IFT80: variants seen among roughly 807,000 people sequenced by gnomAD.
IFT80 encodes intraflagellar transport protein 80 homolog.
In IFT80, 79 loss-of-function variants were observed where a neutral mutation model predicts 107.9. That is an observed-to-expected ratio of 0.73 (90% confidence interval 0.61 to 0.88). The LOEUF is 0.88. IFT80 is among the 40% of genes least tolerant of loss of function. IFT80 has a pLI of 0.00. For missense variants in IFT80, 797 were observed against 914.2 expected (o/e 0.87, Z 1.65); for synonymous variants, 299 against 300.9 (o/e 0.99, Z 0.07).
At chr3:160,280,206 A>T (rs1714578902) in intron 15 of IFT80, among the ~76,000 whole-genome samples, 1 of 152,194 alleles carries the variant, frequency 6.6e-6, no homozygotes, top group Non-Finnish European at 1.5e-5. Flanking sequence ...GAAGCATATA[A>T]ATTTTTAAAA....
At chr3:160,290,269 G>A (rs1368359206) in intron 12 of IFT80, among the ~76,000 whole-genome samples, 3 of 151,870 alleles carry the variant, frequency 2.0e-5, no homozygotes, top group Non-Finnish European at 4.4e-5. Flanking sequence ...TTAGCTGGGC[G>A]TGGTGGTGCA....
intron 8 of IFT80, among the ~76,000 whole-genome samples, chr3:160,328,827 CCTT>C (rs1325463973): frequency 1.3e-5 from 2 of 152,072 alleles, no homozygotes; most frequent in Non-Finnish European, 2.9e-5. Context: ...GAGATCATGT[CCTT>C]CTCAGGGACA....
chr3:160,348,162 C>G (rs1299516689), intron 8 of IFT80, among the ~76,000 whole-genome samples: 1 of 151,782 alleles, frequency 6.6e-6, no homozygotes, highest in African/African-American at 2.4e-5. Context: ...AATTGAACAT[C>G]CTTTCATGTT....
At chr3:160,333,893 G>GT (rs1481800032) in intron 8 of IFT80, among the ~76,000 whole-genome samples, 2 of 152,052 alleles carry the variant, frequency 1.3e-5, no homozygotes, top group African/African-American at 4.8e-5. Flanking sequence ...GTACATAATT[G>GT]TATGTACTGT....
At position 160,348,567 on chromosome 3, in the gene IFT80, T is replaced by C. The variant is rs537930563; in HGVS notation, c.777+7446A>G. The stretch of plus-strand genomic sequence containing the variant: ...GTTAAACATAGGGTTACACTTGTCG[T>C]AGCAATTCTACTTCTAAGTATACAC... On this transcript the variant is annotated intron_variant, in intron 8 of 19. Transcript: ENST00000326448. Among the ~76,000 whole-genome samples, 5 of 152,344 alleles carry C rather than the reference T, an allele frequency of 3.3e-5. No individual in the cohort carries two copies. In the East Asian group the frequency reaches 9.6e-4, roughly 29 times the overall value.
chr3:160,381,779 T>A, intron 2 of IFT80, 55 bp from the exon 3 acceptor site: 5 of 1,353,778 alleles, frequency 3.7e-6, no homozygotes, highest in Non-Finnish European at 5.3e-6. Flanking sequence ...TCTTAATGAA[T>A]AATTCACAGA....
Position 160,300,793 on chromosome 3 carries a change from GT to G in IFT80, c.1315+89del, listed in dbSNP as rs1716361456. 3 of 971,842 alleles carry G rather than the reference GT, an allele frequency of 3.1e-6. No homozygotes were observed. In the Admixed American group the frequency reaches 7.0e-5, roughly 23 times the overall value. The allele number at this position is 971,842 out of a possible 1,614,324, so 60.2% of individuals were successfully genotyped here. ...CTTTTTCTATAAAGCTGATGTACTG[GT>G]AGATAAGAAAATGTAAGTTAATTTG... On this transcript the variant is annotated intron_variant, in intron 12 of 19. Coordinates refer to ENST00000326448, the MANE Select transcript of IFT80 (RefSeq NM_020800.3).
chr3:160,351,935 A>T (rs898169069), intron 8 of IFT80, among the ~76,000 whole-genome samples: 1 of 152,074 alleles, frequency 6.6e-6, no homozygotes, highest in Admixed American at 6.6e-5. Context: ...CTAGAACATT[A>T]AGAGATAATA....
chr3:160,303,469 T>C (rs1407995718), intron 11 of IFT80, among the ~76,000 whole-genome samples: 1 of 152,136 alleles, frequency 6.6e-6, no homozygotes, highest in Non-Finnish European at 1.5e-5. Flanking sequence ...TTTCAACCAA[T>C]ATTTAAAACA....
At chr3:160,359,686 C>A (rs1203328679) in intron 6 of IFT80, among the ~76,000 whole-genome samples, 2 of 152,190 alleles carry the variant, frequency 1.3e-5, no homozygotes, top group African/African-American at 4.8e-5. Flanking sequence ...TATTCTGCAG[C>A]CTCTGCTGGT....
At chr3:160,297,460 A>G (rs2108262339) in intron 12 of IFT80, among the ~76,000 whole-genome samples, 1 of 152,270 alleles carries the variant, frequency 6.6e-6, no homozygotes, top group East Asian at 1.9e-4. Context: ...GATTATAAAA[A>G]TGCTACAATG....
At chr3:160,306,562 T>C (rs1716841904) in intron 10 of IFT80, among the ~76,000 whole-genome samples, 2 of 152,152 alleles carry the variant, frequency 1.3e-5, no homozygotes, top group South Asian at 4.1e-4. Context: ...ATTCTTACTG[T>C]TCCTCTTTTG....
In IFT80 at chr3:160,375,795, T is replaced by C. The variant is rs1711967609; in HGVS notation, c.439+17A>G. The C allele has an allele frequency of 1.9e-6, 3 of 1,592,306 alleles. No individual in the cohort carries two copies. Among genetic ancestry groups the C allele is most frequent in the Non-Finnish European group, 2.6e-6 (3 of 1,161,796 alleles). On this transcript the variant is annotated intron_variant, in intron 5 of 19. Transcript: ENST00000326448. ...TGTATAATTTGCAAAAATGAAATTG[T>C]CAATTGTAAAACATACCTTGCTGAG...
chr3:160,384,449 C>A, intron 2 of IFT80, 115 bp downstream of exon 2: 1 of 1,381,702 alleles, frequency 7.2e-7, no homozygotes, highest in Non-Finnish European at 9.4e-7. Flanking sequence ...GGTAAACAGC[C>A]ACTAAAGGAA....
In IFT80 at chr3:160,277,636, G is replaced by A. The variant is rs1185140572; in HGVS notation, c.1871C>T (p.Ala624Val). ...QTMWACLAAM[A>V]VANRDMTTAE... ...AGTAGTCATATCTCGATTAGCAACT[G>A]CCATAGCAGCTAGACAAGCCCACAT... is the stretch of plus-strand genomic sequence containing the variant. Residue 624 changes from alanine (A) to valine (V), a missense_variant, in exon 17 of 20, where the codon GCA (alanine) becomes GTA (valine). Ala to Val is a moderately conservative substitution (Grantham distance 64, BLOSUM62 0). Coordinates refer to ENST00000326448, the MANE Select transcript of IFT80 (RefSeq NM_020800.3). The A allele has an allele frequency of 6.2e-7, 1 of 1,613,464 alleles. No homozygotes were observed. Among genetic ancestry groups the A allele is most frequent in the Non-Finnish European group, 8.5e-7 (1 of 1,179,694 alleles).
intron 1 of IFT80, among the ~76,000 whole-genome samples, chr3:160,389,103 T>G (rs1713161165): frequency 6.6e-6 from 1 of 152,206 alleles, no homozygotes; most frequent in Non-Finnish European, 1.5e-5. Context: ...ATGAAATTAA[T>G]ACATGGGCCT....
chr3:160,327,470 A>G (rs1718752653), intron 8 of IFT80, among the ~76,000 whole-genome samples: 1 of 152,178 alleles, frequency 6.6e-6, no homozygotes, highest in African/African-American at 2.4e-5. Context: ...GTACTGGTAC[A>G]AGAACAGACA....
In IFT80 at chr3:160,389,704, C is replaced by T. The variant is rs193023987; in HGVS notation, c.-46-5058G>A. On this transcript the variant is annotated intron_variant, in intron 1 of 19. Transcript: ENST00000326448. ...CATAGTATTCCACGGTGTATATGTG[C>T]CACATTTTCTTAATCCAGTCTATCA... is the stretch of plus-strand genomic sequence containing the variant. Among the ~76,000 whole-genome samples, 797 of 152,052 alleles carry T rather than the reference C, an allele frequency of 5.2e-3. 3 individuals are homozygous for T. Among genetic ancestry groups the T allele is most frequent in the Admixed American group, 0.014 (211 of 15,278 alleles).
chr3:160,305,128 T>A (rs1482910479), intron 10 of IFT80, among the ~76,000 whole-genome samples: 3 of 152,162 alleles, frequency 2.0e-5, no homozygotes, highest in African/African-American at 4.8e-5. Context: ...TAATAAAAAT[T>A]GTTCCACAGT....
Sources: allele counts gnomAD v4.1 joint callset (sites outside exome capture counted in the v4.1 genomes callset), GRCh38; gene constraint gnomAD v4.1.1; transcripts MANE v1.5; gene names NCBI Gene and HGNC (gene_info 2026-07-23, HGNC 2026-07-21).